APBB1IP: variants seen among roughly 807,000 people sequenced by gnomAD.
APBB1IP encodes the protein amyloid beta A4 precursor protein-binding family B member 1-interacting protein.
In APBB1IP, 27 loss-of-function variants were observed where a neutral mutation model predicts 64.9. That is an observed-to-expected ratio of 0.42 (90% CI 0.31 to 0.57). The LOEUF is 0.57. Among genes scored for constraint, APBB1IP ranks in the 20% least tolerant of loss-of-function variants. The probability of loss-of-function intolerance (pLI) is 0.20; values close to 1 mark genes in which losing one functional copy is unlikely to be tolerated. For missense variants in APBB1IP, 812 were observed against 845.5 expected, an observed-to-expected ratio of 0.96 and a Z score of 0.49; for synonymous variants, 392 against 331.0, an observed-to-expected ratio of 1.18 and a Z score of -2.00.
intron 8 of APBB1IP, among the ~76,000 whole-genome samples, chr10:26,527,853 C>T (rs1307510171): frequency 2.0e-5 from 3 of 151,960 alleles, no homozygotes; most frequent in East Asian, 1.9e-4. Flanking sequence ...CCACCAGGCC[C>T]GGCTAATTTT....
chr10:26,521,150 A>C (rs953884660), intron 8 of APBB1IP, among the ~76,000 whole-genome samples: 2 of 152,204 alleles, frequency 1.3e-5, no homozygotes, highest in Non-Finnish European at 2.9e-5. Flanking sequence ...TTTTTGGAAC[A>C]GTCTGTGTTT....
rs187699623 is a variant in APBB1IP at position 26,566,836 on chromosome 10, C to T, written c.1474-125C>T. 9 of 1,107,118 alleles carry T rather than the reference C, an allele frequency of 8.1e-6. No homozygotes were observed. The East Asian group carries it at 2.5e-4, about 31-fold the overall frequency. 68.6% of individuals were successfully genotyped at this position (1,107,118 alleles called of 1,614,324 possible). ...TCGGGAGGTCGAGGCTGCAGTAAGT[C>T]CAGATCGCGCCACTGCACTCAGCCT... On this transcript the variant is annotated intron_variant, in intron 14 of 14. Transcript: ENST00000376236.
intron 11 of APBB1IP, among the ~76,000 whole-genome samples, chr10:26,544,264 A>G (rs1836733440): frequency 6.6e-6 from 1 of 152,234 alleles, no homozygotes. Flanking sequence ...CTTTATTGCC[A>G]AAGACTTGTC....
chr10:26,466,767 C>A (rs988439595), intron 2 of APBB1IP, among the ~76,000 whole-genome samples: 6 of 152,008 alleles, frequency 3.9e-5, no homozygotes, highest in Non-Finnish European at 8.8e-5. Flanking sequence ...GAGACCTCGT[C>A]CCTACAAAAA....
rs772844347 is a variant in APBB1IP at position 26,511,905 on chromosome 10, T to A, written c.690T>A (p.Ile230=). The change falls in exon 7 of 15, where the codon ATT becomes ATA. Residue 230 remains isoleucine, a splice_region_variant and synonymous_variant. Transcript: ENST00000376236. ...CLYEIYPELQ[I]ERFFEDHENV... ...ATGAAATCTACCCGGAACTACAAAT[T>A]GGTAAGTCCCATCCCCAGCAATGGG... The A allele has an allele frequency of 1.2e-6, 2 of 1,614,196 alleles. No individual in the cohort carries two copies. The highest frequency in any genetic ancestry group is 1.7e-6 in the Non-Finnish European group (2 of 1,180,014).
intron 2 of APBB1IP, among the ~76,000 whole-genome samples, chr10:26,448,716 A>G (rs1414285): frequency 0.34 from 51,832 of 151,986 alleles, 8,981 homozygotes; most frequent in South Asian, 0.5. Context: ...ACAACCTCAG[A>G]TAGTCATTTG....
At chr10:26,504,061 C>A (rs561653663) in intron 6 of APBB1IP, among the ~76,000 whole-genome samples, 1 of 152,260 alleles carries the variant, frequency 6.6e-6, no homozygotes, top group East Asian at 1.9e-4. Context: ...CAGGTGGCGC[C>A]ACCTTTGGGG....
At chr10:26,494,622 C>T (rs998887984) in intron 3 of APBB1IP, among the ~76,000 whole-genome samples, 14 of 152,110 alleles carry the variant, frequency 9.2e-5, no homozygotes, top group African/African-American at 1.4e-4. Context: ...GTCAGGAGTT[C>T]GAGACCACGC....
intron 2 of APBB1IP, among the ~76,000 whole-genome samples, chr10:26,453,948 T>A (rs1835493249): frequency 6.6e-6 from 1 of 152,194 alleles, no homozygotes; most frequent in Non-Finnish European, 1.5e-5. Context: ...TCACAAGATT[T>A]GGAAACAACC....
intron 14 of APBB1IP, among the ~76,000 whole-genome samples, chr10:26,564,244 A>G (rs1056085310): frequency 1.3e-5 from 2 of 152,022 alleles, no homozygotes; most frequent in African/African-American, 4.8e-5. Flanking sequence ...AAACAGAGGG[A>G]TTCAATCCAG....
chr10:26,487,211 C>CT (rs1554774857), intron 2 of APBB1IP, among the ~76,000 whole-genome samples: 6 of 126,790 alleles, frequency 4.7e-5, no homozygotes, highest in South Asian at 2.5e-4. Flanking sequence ...TTTTTTTTTT[C>CT]CTCTCTCTCT....
intron 2 of APBB1IP, among the ~76,000 whole-genome samples, chr10:26,469,559 AT>A (rs1252582401): frequency 6.6e-6 from 1 of 151,632 alleles, no homozygotes; most frequent in African/African-American, 2.4e-5. Context: ...CAATATAAGC[AT>A]TTTCTATTTT....
chr10:26,450,522 T>A (rs1435820673), intron 2 of APBB1IP, among the ~76,000 whole-genome samples: 1 of 152,156 alleles, frequency 6.6e-6, no homozygotes, highest in Non-Finnish European at 1.5e-5. Flanking sequence ...AGTCCATAGG[T>A]AGATGATAAG....
At position 26,567,099 on chromosome 10, in the gene APBB1IP, G is replaced by A; in HGVS notation, c.1612G>A (p.Ala538Thr). The A allele has an allele frequency of 6.9e-7, 1 of 1,456,898 alleles. No homozygotes were observed. The highest frequency in any genetic ancestry group is 8.9e-7 in the Non-Finnish European group (1 of 1,119,314). 90.2% of individuals were successfully genotyped at this position (1,456,898 alleles called of 1,614,324 possible). ...CGGCAGTCCCGCCACGCCCCTCAAG[G>A]CCAAGGGCACAGGCGGCGGGGGCTT... ...TSGSPATPLK[A>T]KGTGGGGLPA... The change falls in exon 15 of 15, where the codon GCC (alanine) becomes ACC (threonine). Residue 538 changes from alanine to threonine, a missense_variant. This residue lies in a region of APBB1IP where 381 missense variants were observed against 352.1 expected (regional missense o/e 1.08). Coordinates refer to ENST00000376236, the MANE Select transcript of APBB1IP (RefSeq NM_019043.4).
chr10:26,489,375 T>A (rs1334951337), intron 2 of APBB1IP, among the ~76,000 whole-genome samples: 1 of 152,118 alleles, frequency 6.6e-6, no homozygotes, highest in Non-Finnish European at 1.5e-5. Context: ...AATTTTTTTC[T>A]TCTTAAAATA....
chr10:26,473,351 G>A (rs1448932081), intron 2 of APBB1IP, among the ~76,000 whole-genome samples: 1 of 152,180 alleles, frequency 6.6e-6, no homozygotes, highest in Non-Finnish European at 1.5e-5. Context: ...TCTTGACTTT[G>A]AAAATTAAAA....
chr10:26,556,095 C>T (rs1223848591), intron 11 of APBB1IP, among the ~76,000 whole-genome samples: 1 of 152,198 alleles, frequency 6.6e-6, no homozygotes, highest in African/African-American at 2.4e-5. Context: ...TCCACAATCG[C>T]CCTGACCTCT....
At chr10:26,442,286 C>T (rs1369325240) in intron 2 of APBB1IP, among the ~76,000 whole-genome samples, 3 of 152,166 alleles carry the variant, frequency 2.0e-5, no homozygotes, top group Non-Finnish European at 2.9e-5. Context: ...ATTATCTTTA[C>T]GTGTGCCTTG....
intron 2 of APBB1IP, among the ~76,000 whole-genome samples, chr10:26,467,982 C>T (rs996244547): frequency 3.3e-5 from 5 of 152,204 alleles, no homozygotes; most frequent in African/African-American, 1.2e-4. Context: ...GTTTAACACA[C>T]ATCAGACATT....
Sources: allele counts gnomAD v4.1 joint callset (sites outside exome capture counted in the v4.1 genomes callset), GRCh38; gene constraint gnomAD v4.1.1; regional missense constraint gnomAD v4.1.1; transcripts MANE v1.5; gene names NCBI Gene and HGNC (gene_info 2026-07-23, HGNC 2026-07-21).